The following GRM1 variants were observed in gnomAD, a reference collection of about 807,000 sequenced individuals.
GRM1 encodes the protein metabotropic glutamate receptor 1.
Under a neutral mutation model 90.9 loss-of-function variants are expected in GRM1, and 33 were observed. That is an observed-to-expected ratio of 0.36 (90% CI 0.28 to 0.49). GRM1 has a LOEUF of 0.49. Ranked by LOEUF, GRM1 falls within the 20% of genes least tolerant of loss-of-function variation. The pLI is 0.99. For missense variants in GRM1, 1,190 were observed against 1,534.3 expected (o/e 0.78, Z 3.75); for synonymous variants, 700 against 613.2 (o/e 1.14, Z -2.09).
At chr6:146,421,444 T>G (rs1340333783) in intron 7 of GRM1, among the ~76,000 whole-genome samples, 1 of 152,120 alleles carries the variant, frequency 6.6e-6, no homozygotes. Context: ...TGCTAAACAC[T>G]ATCATGTATT....
chr6:146,270,407 T>A (rs1314554161), intron 2 of GRM1, among the ~76,000 whole-genome samples: 1 of 152,172 alleles, frequency 6.6e-6, no homozygotes, highest in Non-Finnish European at 1.5e-5. Flanking sequence ...ATCTTCTACA[T>A]TATGTCAGGA....
rs753511488 is a variant in GRM1 at position 146,437,435 on chromosome 6, T to C, written c.*2639T>C. On this transcript the variant is annotated 3_prime_UTR_variant, in exon 8 of 8. Transcript: ENST00000282753. ...TGTCATCATTGTTCAAAATTGGAGA[T>C]GTACACATACATACCCTATACCAAG... The C allele has an allele frequency of 6.5e-6, 1 of 152,738 alleles. No homozygotes were observed. The allele number at this position is 152,738 out of a possible 1,614,324, so 9.5% of individuals were successfully genotyped here.
chr6:146,186,095 G>GTTT (rs111964915), intron 2 of GRM1, among the ~76,000 whole-genome samples: 4 of 131,196 alleles, frequency 3.0e-5, no homozygotes, highest in African/African-American at 1.1e-4. Context: ...ATTACAGCTG[G>GTTT]TTTTTTTTTT....
intron 2 of GRM1, among the ~76,000 whole-genome samples, chr6:146,295,754 C>G (rs1483616351): frequency 2.0e-5 from 3 of 151,970 alleles, no homozygotes; most frequent in African/African-American, 7.3e-5. Context: ...ACTTTAGGTT[C>G]GAGGGTCATG....
chr6:146,148,473 C>T (rs182505027), intron 1 of GRM1, among the ~76,000 whole-genome samples: 1,620 of 151,958 alleles, frequency 0.011, 11 homozygotes, highest in Non-Finnish European at 0.016. Context: ...AATATTTTCC[C>T]TGACATTGAG....
chr6:146,273,891 T>A (rs1363019335), intron 2 of GRM1, among the ~76,000 whole-genome samples: 1 of 152,230 alleles, frequency 6.6e-6, no homozygotes, highest in East Asian at 1.9e-4. Flanking sequence ...GATTTGAATA[T>A]TGGAGCAGTC....
At chr6:146,386,250 C>T (rs372364991) in intron 5 of GRM1, among the ~76,000 whole-genome samples, 2 of 152,040 alleles carry the variant, frequency 1.3e-5, no homozygotes, top group African/African-American at 4.8e-5. Flanking sequence ...AAAGTTTAAA[C>T]TGCTCAGATA....
At chr6:146,044,942 A>G (rs1791269787) in intron 1 of GRM1, among the ~76,000 whole-genome samples, 2 of 151,948 alleles carry the variant, frequency 1.3e-5, no homozygotes, top group South Asian at 4.1e-4. Flanking sequence ...CTTCAATTAC[A>G]GATTCTGACT....
chr6:146,060,558 C>T (rs893187921), intron 1 of GRM1, among the ~76,000 whole-genome samples: 4 of 152,134 alleles, frequency 2.6e-5, no homozygotes, highest in African/African-American at 9.7e-5. Context: ...GCTCCATCTA[C>T]ATTGCTGCAG....
chr6:146,355,431 G>A (rs1164622466), intron 4 of GRM1, among the ~76,000 whole-genome samples: 1 of 152,168 alleles, frequency 6.6e-6, no homozygotes, highest in Admixed American at 6.5e-5. Context: ...TGAATAATGT[G>A]CTCTGGGTGT....
intron 1 of GRM1, among the ~76,000 whole-genome samples, chr6:146,147,972 ATC>A (rs1777173264): frequency 6.8e-6 from 1 of 148,042 alleles, no homozygotes; most frequent in African/African-American, 2.5e-5. Flanking sequence ...CTATCAAGAA[ATC>A]TGTATGTATT....
intron 2 of GRM1, among the ~76,000 whole-genome samples, chr6:146,201,729 A>C (rs1350879245): frequency 6.6e-6 from 1 of 152,230 alleles, no homozygotes; most frequent in African/African-American, 2.4e-5. Flanking sequence ...GTAACAGTAC[A>C]TTTGAGACAG....
chr6:146,184,180 C>T (rs561832374), intron 2 of GRM1, among the ~76,000 whole-genome samples: 45 of 152,224 alleles, frequency 3.0e-4, no homozygotes, highest in African/African-American at 1.0e-3. Flanking sequence ...TGGTTTTTCC[C>T]TAACTTGTTT....
At chr6:146,329,523 G>A (rs1220678123) in intron 3 of GRM1, among the ~76,000 whole-genome samples, 3 of 152,098 alleles carry the variant, frequency 2.0e-5, no homozygotes, top group Admixed American at 6.6e-5. Context: ...AAGAGTTTGG[G>A]TTCCTTAGAG....
Position 146,314,051 on chromosome 6 carries a change from C to CTTTTTTTTTT in GRM1, c.1186+9228_1186+9237dup, listed in dbSNP as rs552986343. Among the ~76,000 whole-genome samples the CTTTTTTTTTT allele has an allele frequency of 8.1e-4, 50 of 62,000 alleles. 10 individuals carry two copies. Among genetic ancestry groups the CTTTTTTTTTT allele is most frequent in the Non-Finnish European group, 1.1e-3 (42 of 38,222 alleles). The allele number at this position is 62,000 out of a possible 152,430, so 40.7% of individuals were successfully genotyped here. A position where few individuals can be genotyped will look rare whatever the true frequency, so the allele number is the denominator to read the frequency against. ...CACTGTATATATCAATAGTTAATTC[C>CTTTTTTTTTT]TTTTTTTTTTTTTTTTTTTTTTTTT... On this transcript the variant is annotated intron_variant, in intron 3 of 7. Coordinates refer to ENST00000282753, the MANE Select transcript of GRM1 (RefSeq NM_001278064.2).
At chr6:146,123,079 G>A (rs558774412) in intron 1 of GRM1, among the ~76,000 whole-genome samples, 2 of 151,730 alleles carry the variant, frequency 1.3e-5, no homozygotes, top group East Asian at 1.9e-4. Flanking sequence ...TCCTGACCTC[G>A]TGATCTGGCC....
At chr6:146,398,505 T>G (rs894146563) in intron 6 of GRM1, among the ~76,000 whole-genome samples, 1 of 152,224 alleles carries the variant, frequency 6.6e-6, no homozygotes, top group African/African-American at 2.4e-5. Context: ...CTATTTATAA[T>G]GCTGATGTTG....
At chr6:146,195,104 T>G (rs1779070967) in intron 2 of GRM1, among the ~76,000 whole-genome samples, 3 of 152,212 alleles carry the variant, frequency 2.0e-5, no homozygotes, top group Admixed American at 6.5e-5. Context: ...GTTGTACATA[T>G]TAATAGTACA....
At chr6:146,034,297 A>G (rs1790806654) in intron 1 of GRM1, among the ~76,000 whole-genome samples, 1 of 152,062 alleles carries the variant, frequency 6.6e-6, no homozygotes, top group Non-Finnish European at 1.5e-5. Context: ...GACATTTATC[A>G]TCAATGAATA....
Sources: gnomAD v4.1 joint callset for allele counts (sites outside exome capture counted in the v4.1 genomes callset) on GRCh38, gnomAD v4.1.1 for gene constraint, MANE v1.5 for transcripts, NCBI Gene and HGNC (gene_info 2026-07-23, HGNC 2026-07-21) for gene names.